Variants in USP32 observed in about 807,000 individuals in gnomAD.
USP32 encodes ubiquitin specific peptidase 32.
Under a neutral mutation model 204.8 loss-of-function variants are expected in USP32, and 59 were observed. That is an observed-to-expected ratio of 0.29 (90% CI 0.23 to 0.36). The LOEUF (loss-of-function observed/expected upper bound fraction) is 0.36, where lower values mean the gene tolerates loss of function less well. Among genes scored for constraint, USP32 ranks in the 10% least tolerant of loss-of-function variants. USP32 has a pLI of 1.00. For synonymous variants in USP32, 517 were observed against 678.4 expected (o/e 0.76, Z 3.70); for missense variants, 1,160 against 1,946.4 (o/e 0.60, Z 7.60).
chr17:60,288,734 C>T, intron 4 of USP32, 52 bp from the exon 5 acceptor site: 1 of 1,510,752 alleles, frequency 6.6e-7, no homozygotes, highest in Non-Finnish European at 9.0e-7. Flanking sequence ...AGGTATCTTA[C>T]TTGGAACCTG....
chr17:60,213,033 G>A (rs1457076704), intron 18 of USP32, among the ~76,000 whole-genome samples: 2 of 152,206 alleles, frequency 1.3e-5, no homozygotes, highest in East Asian at 3.8e-4. Flanking sequence ...GATTACAGGC[G>A]TGAGCCACTG....
At chr17:60,410,003 T>G (rs1446255162) in intron 1 of USP32, among the ~76,000 whole-genome samples, 1 of 152,186 alleles carries the variant, frequency 6.6e-6, no homozygotes, top group Non-Finnish European at 1.5e-5. Flanking sequence ...AACAATCTCC[T>G]TGTTCAGCGA....
At chr17:60,302,846 C>T (rs960810999) in intron 2 of USP32, among the ~76,000 whole-genome samples, 2 of 151,964 alleles carry the variant, frequency 1.3e-5, no homozygotes, top group Non-Finnish European at 2.9e-5. Context: ...TTATAGTAAT[C>T]AGAAATAAAG....
At chr17:60,180,002 A>G (rs1290575951) in intron 33 of USP32, among the ~76,000 whole-genome samples, 4 of 151,244 alleles carry the variant, frequency 2.6e-5, no homozygotes, top group Admixed American at 2.6e-4. Flanking sequence ...TCTAGAAGAT[A>G]GGAGTTTTTG....
Position 60,269,510 on chromosome 17 carries a change from T to TA in USP32, c.750dup (p.Lys251Ter). The TA allele has an allele frequency of 6.2e-7, 1 of 1,611,540 alleles. No homozygotes were observed. The highest frequency in any genetic ancestry group is 8.5e-7 in the Non-Finnish European group (1 of 1,179,322). On this transcript the variant is annotated frameshift_variant, in exon 7 of 34. Coordinates refer to ENST00000300896, the MANE Select transcript of USP32 (RefSeq NM_032582.4). LOFTEE classifies it high-confidence loss of function. ...GCTGATAACCCACAGGATATCTCCT[T>TA]AAAATCTATGTGATTGTCACGATTT...
rs573572295 is a variant in USP32, at chr17:60,219,971, C to T, written c.1750-184G>A. Among the ~76,000 whole-genome samples the T allele has an allele frequency of 4.6e-5, 7 of 151,250 alleles. 1 individual carries two copies. In the South Asian group the frequency reaches 8.4e-4, roughly 18 times the overall value. ...CTGATTACTGTTAAAATTCCTGCTC[C>T]GAAACCCATTTCCTAAGATTATAAC... On this transcript the variant is annotated intron_variant, in intron 15 of 33. Coordinates refer to ENST00000300896, the MANE Select transcript of USP32 (RefSeq NM_032582.4).
At chr17:60,206,309 C>T (rs1393159459) in intron 25 of USP32, among the ~76,000 whole-genome samples, 1 of 146,296 alleles carries the variant, frequency 6.8e-6, no homozygotes, top group African/African-American at 2.8e-5. Flanking sequence ...AGAGTGAGAC[C>T]ATTTCTCAAA....
intron 1 of USP32, among the ~76,000 whole-genome samples, chr17:60,347,160 G>A (rs1333162963): frequency 1.3e-5 from 2 of 152,032 alleles, no homozygotes; most frequent in Non-Finnish European, 2.9e-5. Context: ...AAGCTAGACT[G>A]AGAGTAGAAG....
chr17:60,329,278 G>GTGT (rs1555615038), intron 2 of USP32, among the ~76,000 whole-genome samples: 1 of 147,644 alleles, frequency 6.8e-6, no homozygotes, highest in African/African-American at 2.5e-5. Flanking sequence ...GTGTGTGTGT[G>GTGT]TTTTTTTTTT....
At chr17:60,196,469 C>T (rs2084520938) in intron 27 of USP32, among the ~76,000 whole-genome samples, 1 of 152,150 alleles carries the variant, frequency 6.6e-6, no homozygotes, top group Admixed American at 6.5e-5. Flanking sequence ...CTATTATTTG[C>T]AGTTTTCCTT....
intron 2 of USP32, among the ~76,000 whole-genome samples, chr17:60,327,405 T>TG (rs1164325081): frequency 4.3e-5 from 1 of 23,362 alleles, no homozygotes; most frequent in Non-Finnish European, 8.9e-5. Flanking sequence ...CAATGTGGGT[T>TG]GGTGGGGGGC....
At chr17:60,281,266 C>T (rs2086959179) in intron 5 of USP32, among the ~76,000 whole-genome samples, 1 of 152,238 alleles carries the variant, frequency 6.6e-6, no homozygotes, top group Non-Finnish European at 1.5e-5. Context: ...TGGCCGGGTG[C>T]AGTGGCTCAC....
intron 1 of USP32, among the ~76,000 whole-genome samples, chr17:60,409,668 A>C (rs1239489037): frequency 1.3e-5 from 2 of 152,246 alleles, no homozygotes; most frequent in Non-Finnish European, 2.9e-5. Context: ...TTCTAACCTC[A>C]AAGCCACCCT....
upstream of USP32, among the ~76,000 whole-genome samples, chr17:60,396,069 CTTTTTTTTTTTT>C (rs936063243): frequency 2.3e-4 from 17 of 74,922 alleles, no homozygotes; most frequent in African/African-American, 1.3e-3. Context: ...GCACTTGAAG[CTTTTTTTTTTTT>C]TTTTTTTTTT....
At chr17:60,293,016 G>A (rs2145864646) in intron 4 of USP32, among the ~76,000 whole-genome samples, 1 of 152,178 alleles carries the variant, frequency 6.6e-6, no homozygotes, top group East Asian at 1.9e-4. Flanking sequence ...GATGAAAAGT[G>A]GTCCTCCAGA....
chr17:60,351,853 T>G (rs368297277), intron 1 of USP32, among the ~76,000 whole-genome samples: 42 of 152,008 alleles, frequency 2.8e-4, no homozygotes, highest in African/African-American at 1.0e-3. Flanking sequence ...ATACCAAATA[T>G]GAAATATTAA....
intron 9 of USP32, chr17:60,256,679 C>G: frequency 9.0e-7 from 1 of 1,106,438 alleles, no homozygotes; most frequent in Non-Finnish European, 1.1e-6. Context: ...AGTGTGGTAT[C>G]TGTTGCTGTG....
At chr17:60,227,519 C>T (rs1017355311) in intron 12 of USP32, among the ~76,000 whole-genome samples, 1 of 151,952 alleles carries the variant, frequency 6.6e-6, no homozygotes, top group African/African-American at 2.4e-5. Context: ...ATCTGCCCGC[C>T]TGGGCCTCCC....
intron 11 of USP32, among the ~76,000 whole-genome samples, chr17:60,237,289 T>G (rs2333671): frequency 6.7e-6 from 1 of 150,132 alleles, no homozygotes; most frequent in Non-Finnish European, 1.5e-5. Context: ...TACAGGTGTG[T>G]GCTATGCCCA....
Sources: allele counts gnomAD v4.1 joint callset (sites outside exome capture counted in the v4.1 genomes callset), GRCh38; gene constraint gnomAD v4.1.1; transcripts MANE v1.5; gene names NCBI Gene and HGNC (gene_info 2026-07-23, HGNC 2026-07-21).